CTNND2: variants seen among roughly 807,000 people sequenced by gnomAD.
CTNND2 encodes catenin delta-2.
A neutral mutation model predicts 144.4 loss-of-function variants in CTNND2; 22 were observed. The ratio of observed to expected loss-of-function variants is 0.15; its 90% CI spans 0.11 to 0.22. The LOEUF (loss-of-function observed/expected upper bound fraction) is 0.22. CTNND2 is among the 10% of genes least tolerant of loss of function. The pLI, the probability that CTNND2 is intolerant of heterozygous loss-of-function variation, is 1.00. For synonymous variants in CTNND2, 751 were observed against 695.6 expected, an observed-to-expected ratio of 1.08 and a Z score of -1.25; for missense variants, 1,353 against 1,618.8, an observed-to-expected ratio of 0.84 and a Z score of 2.82.
At chr5:11,534,736 G>T (rs529229712) in intron 3 of CTNND2, among the ~76,000 whole-genome samples, 8 of 152,286 alleles carry the variant, frequency 5.3e-5, no homozygotes, top group Admixed American at 5.2e-4. Context: ...TCTTTAGAAG[G>T]TTGTCATCCA....
intron 9 of CTNND2, among the ~76,000 whole-genome samples, chr5:11,273,538 G>T (rs1746230705): frequency 6.6e-6 from 1 of 152,178 alleles, no homozygotes; most frequent in South Asian, 2.1e-4. Context: ...TAAGCTTGAA[G>T]GAAAATTGGG....
In CTNND2 at chr5:11,903,787, C is replaced by G. The variant is rs1274039794; in HGVS notation, c.37+30G>C. ...GACGGCGCCGGGAGGAGGCTGCGCC[C>G]GGCCCCGGCCGCCCAGCCCCGCAAC... is the stretch of plus-strand genomic sequence containing the variant. On this transcript the variant is annotated intron_variant, in intron 1 of 21. Coordinates refer to ENST00000304623, the MANE Select transcript of CTNND2 (RefSeq NM_001332.4). This position sits in a 1 kb window ranked among gnomAD's most constrained non-coding sequence, Gnocchi z 5.4. 6 of 1,474,682 alleles carry G rather than the reference C, an allele frequency of 4.1e-6. No homozygotes were observed. Among genetic ancestry groups the G allele is most frequent in the Non-Finnish European group, 5.4e-6 (6 of 1,119,708 alleles). 91.3% of individuals were successfully genotyped at this position (1,474,682 alleles called of 1,614,324 possible).
intron 1 of CTNND2, among the ~76,000 whole-genome samples, chr5:11,755,907 AC>A (rs1446599551): frequency 6.6e-6 from 1 of 150,688 alleles, no homozygotes; most frequent in Non-Finnish European, 1.5e-5. Context: ...CTTTTTTCCT[AC>A]CCTATGTTCC....
At chr5:11,337,506 G>C (rs907171517) in intron 9 of CTNND2, among the ~76,000 whole-genome samples, 1 of 152,142 alleles carries the variant, frequency 6.6e-6, no homozygotes, top group Non-Finnish European at 1.5e-5. Context: ...CCACCTGCAA[G>C]ACCCCATTCT....
At position 11,233,273 on chromosome 5, in the gene CTNND2, A is replaced by G. The variant is rs1437528108; in HGVS notation, c.1761+3418T>C. On this transcript the variant is annotated intron_variant, in intron 10 of 21. Transcript: ENST00000304623. ...CGGAAGCAAATTCTCAAAATTGCAC[A>G]TATAAGATCTGGTATCATTTTGAAA... Among the ~76,000 whole-genome samples, 5 of 152,302 alleles carry G rather than the reference A, an allele frequency of 3.3e-5. No homozygotes were observed. The South Asian group carries it at 8.3e-4, about 25-fold the overall frequency.
intron 9 of CTNND2, among the ~76,000 whole-genome samples, chr5:11,279,893 C>T (rs551726261): frequency 3.9e-5 from 6 of 152,150 alleles, no homozygotes; most frequent in South Asian, 2.1e-4. Context: ...CTCACTATTG[C>T]GAGCCCAGCA....
At chr5:11,622,790 A>G (rs1581622489) in intron 2 of CTNND2, among the ~76,000 whole-genome samples, 1 of 152,302 alleles carries the variant, frequency 6.6e-6, no homozygotes, top group South Asian at 2.1e-4. Flanking sequence ...TGAGACAATT[A>G]TATCAAGGGA....
chr5:11,443,307 TGTG>T (rs1301978207), intron 3 of CTNND2, among the ~76,000 whole-genome samples: 3 of 87,582 alleles, frequency 3.4e-5, no homozygotes, highest in African/African-American at 1.4e-4. Context: ...TGTGCATGTG[TGTG>T]GTGTGTGTGC....
At chr5:11,883,506 T>C (rs1736287009) in intron 1 of CTNND2, among the ~76,000 whole-genome samples, 1 of 152,206 alleles carries the variant, frequency 6.6e-6, no homozygotes. Flanking sequence ...GCAAAGGACA[T>C]GAACTCATCT....
intron 2 of CTNND2, among the ~76,000 whole-genome samples, chr5:11,620,053 G>A (rs1262480383): frequency 6.6e-6 from 1 of 152,110 alleles, no homozygotes; most frequent in Non-Finnish European, 1.5e-5. Flanking sequence ...TGCATTTCTT[G>A]ATTTTAAAAT....
chr5:11,832,147 G>A (rs1310363627), intron 1 of CTNND2, among the ~76,000 whole-genome samples: 2 of 152,086 alleles, frequency 1.3e-5, no homozygotes, highest in Admixed American at 1.3e-4. Context: ...AGCCGGGCAT[G>A]GTGGCGGGCG....
At chr5:11,150,062 G>A (rs1473491099) in intron 12 of CTNND2, among the ~76,000 whole-genome samples, 1 of 152,200 alleles carries the variant, frequency 6.6e-6, no homozygotes, top group Non-Finnish European at 1.5e-5. Flanking sequence ...CAGAGAGGCA[G>A]ACAGGGGCCC....
In CTNND2 at chr5:11,455,405, A is replaced by C. The variant is rs115818676; in HGVS notation, c.288-43336T>G. Among the ~76,000 whole-genome samples, 690 of 152,310 alleles carry C rather than the reference A, an allele frequency of 4.5e-3. 5 individuals carry two copies. The highest frequency in any genetic ancestry group is 0.027 in the Middle Eastern group (8 of 294). Reference sequence around the variant, plus strand: ...GTAATCGCATGGTGCATACACTATGATCATGATCTTTCCATTGTGGGTGGA... The same window carrying C: ...GTAATCGCATGGTGCATACACTATGCTCATGATCTTTCCATTGTGGGTGGA... On this transcript the variant is annotated intron_variant, in intron 3 of 21. Transcript: ENST00000304623.
intron 18 of CTNND2, among the ~76,000 whole-genome samples, chr5:11,003,819 C>T (rs766544079): frequency 5.3e-5 from 8 of 152,184 alleles, no homozygotes; most frequent in Non-Finnish European, 8.8e-5. Context: ...ATAAATACCA[C>T]CTGACATACC....
intron 3 of CTNND2, among the ~76,000 whole-genome samples, chr5:11,507,344 A>G (rs1771152720): frequency 6.6e-6 from 1 of 152,206 alleles, no homozygotes; most frequent in South Asian, 2.1e-4. Flanking sequence ...ACACATGATG[A>G]TGGTCTTGTT....
chr5:11,403,927 G>A (rs1760852972), intron 5 of CTNND2, among the ~76,000 whole-genome samples: 1 of 152,176 alleles, frequency 6.6e-6, no homozygotes, highest in Non-Finnish European at 1.5e-5. Context: ...CTGATTCAAT[G>A]TCTTCTCACA....
At chr5:11,339,841 G>T (rs1214499247) in intron 9 of CTNND2, among the ~76,000 whole-genome samples, 1 of 152,304 alleles carries the variant, frequency 6.6e-6, no homozygotes, top group Middle Eastern at 3.4e-3. Flanking sequence ...GGAAGTGTAA[G>T]AAATAAATTC....
chr5:11,468,627 T>C (rs1766887448), intron 3 of CTNND2, among the ~76,000 whole-genome samples: 1 of 152,200 alleles, frequency 6.6e-6, no homozygotes, highest in South Asian at 2.1e-4. Context: ...CCTGCGAGGC[T>C]TTAACGTTAA....
intron 3 of CTNND2, among the ~76,000 whole-genome samples, chr5:11,516,746 C>T (rs1206718099): frequency 6.6e-6 from 1 of 152,028 alleles, no homozygotes; most frequent in African/African-American, 2.4e-5. Flanking sequence ...CAATACTTGC[C>T]CAATTAATCT....
Sources: gnomAD v4.1 joint callset for allele counts (sites outside exome capture counted in the v4.1 genomes callset) on GRCh38, gnomAD v4.1.1 for gene constraint, Gnocchi (gnomAD v3.1) non-coding constraint, MANE v1.5 for transcripts, NCBI Gene and HGNC (gene_info 2026-07-23, HGNC 2026-07-21) for gene names.